GPHN: variants seen among roughly 807,000 people sequenced by gnomAD.
The protein encoded by GPHN is gephyrin.
GPHN carries 17 observed loss-of-function variants against 95.5 expected under a neutral mutation model. That is an observed-to-expected ratio of 0.18 (90% confidence interval 0.12 to 0.27). GPHN has a LOEUF of 0.27. Among genes scored for constraint, GPHN ranks in the 10% least tolerant of loss-of-function variants. GPHN has a pLI of 1.00. For synonymous variants in GPHN, 320 were observed against 322.5 expected, an observed-to-expected ratio of 0.99 and a Z score of 0.08; for missense variants, 660 against 978.1, an observed-to-expected ratio of 0.67 and a Z score of 4.34.
chr14:66,546,080 C>T (rs1185758362), intron 1 of GPHN, among the ~76,000 whole-genome samples: 3 of 151,270 alleles, frequency 2.0e-5, no homozygotes, highest in Non-Finnish European at 4.4e-5. Context: ...AGGTGCTCCT[C>T]ACATCCCAGA....
At chr14:67,386,268 T>C in the GPHN span, 1 of 152,622 alleles carries the variant, frequency 6.6e-6, no homozygotes. Flanking sequence ...AGTAAAACAT[T>C]AGCTTGTGAT....
the GPHN span, among the ~76,000 whole-genome samples, chr14:67,441,563 A>G: frequency 2.0e-5 from 3 of 152,150 alleles, no homozygotes; most frequent in East Asian, 3.8e-4. Context: ...TTTATGTGTC[A>G]ACTTGACCTC....
the GPHN span, chr14:67,390,565 G>T: frequency 2.4e-6 from 2 of 843,852 alleles, no homozygotes; most frequent in Non-Finnish European, 4.1e-6. Context: ...GGTGCCAGGG[G>T]AAGGCAGGAT....
At chr14:67,108,682 G>A (rs1008480816) in intron 13 of GPHN, among the ~76,000 whole-genome samples, 5 of 145,804 alleles carry the variant, frequency 3.4e-5, no homozygotes, top group African/African-American at 1.0e-4. Context: ...CAGTAGTAAG[G>A]TATTTTTTTT....
At chr14:67,064,976 T>G (rs982582920) in intron 11 of GPHN, among the ~76,000 whole-genome samples, 2 of 152,210 alleles carry the variant, frequency 1.3e-5, no homozygotes, top group Non-Finnish European at 2.9e-5. Context: ...TTCTGCTAGC[T>G]TTTGAATGTG....
At chr14:67,698,069 A>G in the GPHN span, among the ~76,000 whole-genome samples, 1 of 152,228 alleles carries the variant, frequency 6.6e-6, no homozygotes, top group Non-Finnish European at 1.5e-5. Context: ...TGCAGTCAAC[A>G]TTGAAGTCAG....
At chr14:67,010,002 G>T (rs1406531030) in intron 9 of GPHN, among the ~76,000 whole-genome samples, 1 of 151,626 alleles carries the variant, frequency 6.6e-6, no homozygotes, top group African/African-American at 2.4e-5. Flanking sequence ...CAGGTGATTT[G>T]CCCGCCTCGG....
chr14:67,474,407 T>A, the GPHN span, among the ~76,000 whole-genome samples: 2 of 152,218 alleles, frequency 1.3e-5, no homozygotes, highest in Non-Finnish European at 2.9e-5. Flanking sequence ...AAGAGTCGGC[T>A]GGCCTGCTGC....
At chr14:67,481,915 G>A in the GPHN span, among the ~76,000 whole-genome samples, 1 of 152,214 alleles carries the variant, frequency 6.6e-6, no homozygotes, top group Non-Finnish European at 1.5e-5. Flanking sequence ...CATGAAGATA[G>A]GACAGCCCAG....
chr14:66,872,160 A>G (rs527307690), intron 4 of GPHN, among the ~76,000 whole-genome samples: 1 of 152,326 alleles, frequency 6.6e-6, no homozygotes, highest in East Asian at 1.9e-4. Flanking sequence ...TTATAACATC[A>G]ATTAGCATCT....
At chr14:67,300,336 C>CTTTTTTTT in the GPHN span, among the ~76,000 whole-genome samples, 1 of 139,084 alleles carries the variant, frequency 7.2e-6, no homozygotes, top group Non-Finnish European at 1.5e-5. Context: ...TATGAATTAC[C>CTTTTTTTT]TTTTTTTTTT....
the GPHN span, among the ~76,000 whole-genome samples, chr14:67,501,718 A>G: frequency 3.2e-3 from 480 of 152,326 alleles, 2 homozygotes; most frequent in Non-Finnish European, 5.2e-3. Context: ...GGAAGGTCGT[A>G]TAGCACCAAA....
chr14:66,578,649 A>T (rs528650836), intron 1 of GPHN, among the ~76,000 whole-genome samples: 68 of 115,418 alleles, frequency 5.9e-4, no homozygotes, highest in Non-Finnish European at 9.8e-4. Flanking sequence ...GGTCAGGGAT[A>T]GAGTGAAAAA....
At chr14:66,881,704 T>G (rs1350623912) in intron 5 of GPHN, among the ~76,000 whole-genome samples, 1 of 151,862 alleles carries the variant, frequency 6.6e-6, no homozygotes, top group African/African-American at 2.4e-5. Flanking sequence ...TATCAAAAGG[T>G]TTTCCTGAAT....
At chr14:67,201,828 G>A in the GPHN span, 3 of 252,942 alleles carry the variant, frequency 1.2e-5, no homozygotes, top group Admixed American at 5.0e-5. Flanking sequence ...ATACAGCTGA[G>A]AAACTACAGT....
intron 10 of GPHN, among the ~76,000 whole-genome samples, chr14:67,044,271 A>T (rs1440206351): frequency 6.6e-6 from 1 of 152,124 alleles, no homozygotes; most frequent in Non-Finnish European, 1.5e-5. Context: ...CAGGAGGTGG[A>T]GGTTGCAGCA....
chr14:67,128,509 G>A (rs912099989), intron 17 of GPHN, among the ~76,000 whole-genome samples: 8 of 152,150 alleles, frequency 5.3e-5, no homozygotes, highest in Admixed American at 1.3e-4. Context: ...ACATTGAATA[G>A]CAACTGAACA....
intron 3 of GPHN, among the ~76,000 whole-genome samples, chr14:66,802,393 C>G (rs1362234804): frequency 6.6e-6 from 1 of 152,136 alleles, no homozygotes; most frequent in Admixed American, 6.5e-5. Flanking sequence ...GGGCATGTCC[C>G]AGAATGTCAT....
chr14:66,879,792 A>G (rs1311820145), intron 4 of GPHN, 147 bp from the exon 5 acceptor site: 11 of 666,766 alleles, frequency 1.6e-5, no homozygotes, highest in Non-Finnish European at 3.0e-5. Context: ...TTGAGTCTGG[A>G]TGCCTCAAAA....
Sources: allele counts gnomAD v4.1 joint callset (sites outside exome capture counted in the v4.1 genomes callset), GRCh38; gene constraint gnomAD v4.1.1; transcripts MANE v1.5; gene names NCBI Gene and HGNC (gene_info 2026-07-23, HGNC 2026-07-21).